NEB: variants seen among roughly 807,000 people sequenced by gnomAD.
The protein encoded by NEB is nebulin.
Under a neutral mutation model 952.2 loss-of-function variants are expected in NEB, and 512 were observed. That is an observed-to-expected ratio of 0.54 (90% CI 0.50 to 0.58). The LOEUF (loss-of-function observed/expected upper bound fraction) is 0.58. Ranked by LOEUF, NEB falls within the 20% of genes least tolerant of loss-of-function variation. NEB has a pLI of 0.00. For missense variants in NEB, 8,428 were observed against 9,231.1 expected, an observed-to-expected ratio of 0.91 and a Z score of 3.56; for synonymous variants, 2,900 against 3,149.8, an observed-to-expected ratio of 0.92 and a Z score of 2.66.
chr2:151,498,340 C>G lies in NEB; in HGVS notation c.24127G>C (p.Glu8043Gln). Reference protein sequence around the residue: ...QENFSSVLYKENLGTGIPIPI... With the variant: ...QENFSSVLYKQNLGTGIPIPI... Reference sequence around the variant, plus strand: ...ATTGGAATTCCTGTCCCCAGGTTTTCTTTGTATAGCACCTGTATGATGAGA... The same window carrying G: ...ATTGGAATTCCTGTCCCCAGGTTTTGTTTGTATAGCACCTGTATGATGAGA... Residue 8043 changes from glutamate (E) to glutamine (Q), a missense_variant, in exon 170 of 182, where the codon GAA becomes CAA. Physicochemically the swap from Glu to Gln is conservative, Grantham distance 29 (BLOSUM62 2). This residue lies in a region of NEB where 3,374 missense variants were observed against 3,651.5 expected (regional missense o/e 0.92). Transcript: ENST00000397345. 6.5e-7 allele frequency: 1 copy of G among 1,550,020 alleles called. No individual in the cohort carries two copies. The highest frequency in any genetic ancestry group is 8.7e-7 in the Non-Finnish European group (1 of 1,145,744).
intron 42 of NEB, 102 bp downstream of exon 42, chr2:151,665,231 G>A (rs543217471): frequency 1.2e-5 from 13 of 1,113,940 alleles, no homozygotes; most frequent in African/African-American, 3.1e-5. Context: ...GCACGAAGAC[G>A]ATCAGAAAGA....
intron 12 of NEB, 65 bp downstream of exon 12, chr2:151,709,591 G>T: frequency 7.7e-7 from 1 of 1,295,252 alleles, no homozygotes; most frequent in Non-Finnish European, 1.1e-6. Flanking sequence ...ATATACAAGA[G>T]CCAAAGTTAT....
At chr2:151,540,579 T>C in intron 137 of NEB, 118 bp downstream of exon 137, 2 of 1,120,420 alleles carry the variant, frequency 1.8e-6, no homozygotes, top group East Asian at 5.1e-5. Context: ...CTTTTGTGTT[T>C]TGATGATGCT....
rs2152974684 is a variant in NEB at position 151,497,699 on chromosome 2, A to ATGTT, written c.24223_24226dup (p.Met8076LysfsTer25). On this transcript the variant is annotated frameshift_variant, in exon 171 of 182. Coordinates refer to ENST00000397345, the MANE Select transcript of NEB (RefSeq NM_001164508.2). LOFTEE classifies it high-confidence loss of function. ...GACAGGTAAAGGGGTTCCCTTGCCC[A>ATGTT]TGTTTTCTTTGTATAACACCTGTGC... 1 of 1,579,862 alleles carries ATGTT rather than the reference A, an allele frequency of 6.3e-7. No individual in the cohort carries two copies. Among genetic ancestry groups the ATGTT allele is most frequent in the African/African-American group, 1.3e-5 (1 of 74,492 alleles).
In NEB at chr2:151,666,339, C is replaced by T; in HGVS notation, c.4782G>A (p.Gln1594=). The change falls in exon 41 of 182, where the codon CAG becomes CAA. Residue 1594 remains glutamine (Q), a synonymous_variant. Transcript: ENST00000397345. ...KGKQVGFLSL[Q]DDPKLVHYMN... is the part of the protein sequence containing the mutation. ...TGTAGTGAACCAGTTTAGGATCATC[C>T]TGAAGACTGAGAAATCCAACTTGCT... The T allele has an allele frequency of 6.2e-7, 1 of 1,613,874 alleles. No individual in the cohort carries two copies. The highest frequency in any genetic ancestry group is 8.5e-7 in the Non-Finnish European group (1 of 1,179,828).
chr2:151,505,806 C>T lies in NEB; in HGVS notation c.23650-236G>A, dbSNP rs556483735. On this transcript the variant is annotated intron_variant, in intron 164 of 181. Coordinates refer to ENST00000397345, the MANE Select transcript of NEB (RefSeq NM_001164508.2). The stretch of plus-strand genomic sequence containing the variant: ...CTCTTTGGGGCAGGGATGGGGGCCC[C>T]TATTTAGACTGCAGCCCTTTCCTGT... The T allele has an allele frequency of 3.9e-5, 22 of 561,198 alleles. No homozygotes were observed. In the African/African-American group the frequency reaches 4.1e-4, roughly 11 times the overall value. 34.8% of individuals were successfully genotyped at this position (561,198 alleles called of 1,614,324 possible). A position where few individuals can be genotyped will look rare whatever the true frequency, so the allele number is the denominator to read the frequency against.
In NEB at chr2:151,540,764, TG is replaced by T; in HGVS notation, c.20719del (p.His6907IlefsTer11). On this transcript the variant is annotated frameshift_variant, in exon 137 of 182. Coordinates refer to ENST00000397345, the MANE Select transcript of NEB (RefSeq NM_001164508.2). LOFTEE classifies it high-confidence loss of function. ...YVELATKERP[H>X]HHAGNQTTAL... is the part of the protein sequence containing the mutation. ...TGTGGTCTGGTTTCCAGCGTGATGA[TG>T]GGGTCTCTCTTTGGTGGCAAGTTCA... 6.2e-7 allele frequency: 1 copy of T among 1,613,644 alleles called. No homozygotes were observed. The highest frequency in any genetic ancestry group is 8.5e-7 in the Non-Finnish European group (1 of 1,179,638).
intron 157 of NEB, among the ~76,000 whole-genome samples, chr2:151,516,230 G>C (rs1171623546): frequency 1.3e-5 from 2 of 152,138 alleles, no homozygotes; most frequent in Non-Finnish European, 2.9e-5. Flanking sequence ...TAATTTTACA[G>C]AAATGGCTGT....
rs73007948 is a variant in NEB at position 151,685,633 on chromosome 2, G to A, written c.2638-658C>T. On this transcript the variant is annotated intron_variant, in intron 27 of 181. Transcript: ENST00000397345. The stretch of plus-strand genomic sequence containing the variant: ...CCATTAAAATAACGTTGGCCCTTCC[G>A]TACAGCATTATAAACCAAATGTCCT... 2.3e-3 allele frequency among the ~76,000 whole-genome samples: 348 copies of A among 152,244 alleles called. 1 individual carries two copies. The highest frequency in any genetic ancestry group is 7.9e-3 in the African/African-American group (329 of 41,526).
chr2:151,625,603 G>C lies in NEB; in HGVS notation c.10383C>G (p.Thr3461=). The change falls in exon 71 of 182, where the codon ACC becomes ACG. Residue 3461 remains threonine, a synonymous_variant. Coordinates refer to ENST00000397345, the MANE Select transcript of NEB (RefSeq NM_001164508.2). ...GTGTATCAGGCATAATATGGACTTG[G>C]GTCTTGTCTTTGTCCCAGGCTTCTG... The part of the protein sequence containing the change: ...LYTEAWDKDK[T]QVHIMPDTPE... The C allele has an allele frequency of 6.2e-7, 1 of 1,605,370 alleles. No individual in the cohort carries two copies. Among genetic ancestry groups the C allele is most frequent in the Non-Finnish European group, 8.5e-7 (1 of 1,174,218 alleles).
At chr2:151,537,039 T>C in intron 141 of NEB, 93 bp downstream of exon 141, 1 of 725,204 alleles carries the variant, frequency 1.4e-6, no homozygotes, top group South Asian at 2.2e-5. Context: ...ATGATAGGGA[T>C]GGAAACATGA....
Position 151,727,756 on chromosome 2 carries a change from C to T in NEB, c.229G>A (p.Asp77Asn). The change falls in exon 5 of 182, where the codon GAT becomes AAT. Residue 77 changes from aspartate (D) to asparagine (N), a missense_variant. Coordinates refer to ENST00000397345, the MANE Select transcript of NEB (RefSeq NM_001164508.2). ...ERRKVIRKKV[D>N]PSKFMTPYIA... ...TAGGGGGTCATGAACTTTGAAGGATCCACTTTCTTCCGGATGACCTTCCTC... is the reference window on the plus strand; with the variant it reads ...TAGGGGGTCATGAACTTTGAAGGATTCACTTTCTTCCGGATGACCTTCCTC... The T allele has an allele frequency of 6.2e-7, 1 of 1,613,716 alleles. No homozygotes were observed. Among genetic ancestry groups the T allele is most frequent in the Non-Finnish European group, 8.5e-7 (1 of 1,179,756 alleles).
At chr2:151,522,648 C>T (rs1483511213) in intron 153 of NEB, among the ~76,000 whole-genome samples, 2 of 152,194 alleles carry the variant, frequency 1.3e-5, no homozygotes, top group African/African-American at 4.8e-5. Context: ...AAGAATGCAA[C>T]CTGGTCAGTC....
At chr2:151,616,641 C>A (rs2098209194) in intron 75 of NEB, among the ~76,000 whole-genome samples, 1 of 152,136 alleles carries the variant, frequency 6.6e-6, no homozygotes, top group Non-Finnish European at 1.5e-5. Context: ...TTGCAGTGAA[C>A]CAAAATTGTG....
intron 28 of NEB, among the ~76,000 whole-genome samples, chr2:151,683,425 A>T (rs1161845733): frequency 6.6e-6 from 1 of 152,190 alleles, no homozygotes; most frequent in Non-Finnish European, 1.5e-5. Flanking sequence ...TGGTACCAAA[A>T]ATTTACGTTT....
In NEB at chr2:151,700,822, T is replaced by G. The variant is rs1256466147; in HGVS notation, c.1153-3174A>C. On this transcript the variant is annotated intron_variant, in intron 13 of 181. Transcript: ENST00000397345. ...ATGTCGTCTGCAAACAGGGACAATT[T>G]GACTTCCTCTTTTCCTACTTGAATA... Among the ~76,000 whole-genome samples the G allele has an allele frequency of 2.2e-5, 3 of 133,528 alleles. No individual in the cohort carries two copies. The East Asian group carries it at 6.1e-4, about 27-fold the overall frequency. 87.6% of individuals were successfully genotyped at this position (133,528 alleles called of 152,430 possible).
At position 151,516,532 on chromosome 2, in the gene NEB, C is replaced by T. The variant is rs766072117; in HGVS notation, c.22832G>A (p.Arg7611Gln). 2.2e-5 allele frequency: 35 copies of T among 1,612,410 alleles called. No homozygotes were observed. The highest frequency in any genetic ancestry group is 1.9e-4 in the African/African-American group (14 of 74,884). Residue 7611 changes from arginine (R) to glutamine (Q), a missense_variant, in exon 157 of 182, where the codon CGA becomes CAA. Coordinates refer to ENST00000397345, the MANE Select transcript of NEB (RefSeq NM_001164508.2). The part of the protein sequence containing the change: ...VKYKEKYEKE[R>Q]GKPMLDFETP... ...TTCAAAGTCCAGCATGGGTTTTCCT[C>T]GTTCCTTTTCATACTTTTCTTTGTA...
chr2:151,720,812 T>C lies in NEB; in HGVS notation c.717+2570A>G, dbSNP rs576600477. On this transcript the variant is annotated intron_variant, in intron 9 of 181. Transcript: ENST00000397345. ...TCCTCCAAAACTCTGCCCTTGGCCA[T>C]GCACTCTTCTGCTTCCCTCATAGAT... 3.3e-5 allele frequency among the ~76,000 whole-genome samples: 5 copies of C among 152,342 alleles called. No individual in the cohort carries two copies. The East Asian group carries it at 5.8e-4, about 18-fold the overall frequency.
At chr2:151,656,976 T>A (rs2099092262) in intron 48 of NEB, among the ~76,000 whole-genome samples, 1 of 152,190 alleles carries the variant, frequency 6.6e-6, no homozygotes, top group South Asian at 2.1e-4. Flanking sequence ...TAGCTTTATA[T>A]TCGTGGAGCT....
Sources: gnomAD v4.1 joint callset for allele counts (sites outside exome capture counted in the v4.1 genomes callset) on GRCh38, gnomAD v4.1.1 for gene constraint, gnomAD v4.1.1 regional missense constraint, MANE v1.5 for transcripts, NCBI Gene and HGNC (gene_info 2026-07-23, HGNC 2026-07-21) for gene names.